The following SLC22A23 variants were observed in gnomAD, a reference collection of about 807,000 sequenced individuals.
SLC22A23 encodes ion transporter protein.
SLC22A23 carries 26 observed loss-of-function variants against 61.0 expected under a neutral mutation model. That is an observed-to-expected ratio of 0.43 (90% CI 0.31 to 0.59). The LOEUF is 0.59. Ranked by LOEUF, SLC22A23 falls within the 20% of genes least tolerant of loss-of-function variation. SLC22A23 has a pLI of 0.11. For synonymous variants in SLC22A23, 430 were observed against 413.9 expected (o/e 1.04, Z -0.47); for missense variants, 796 against 934.7 (o/e 0.85, Z 1.94).
chr6:3,389,367 A>G (rs1019362485), intron 3 of SLC22A23, among the ~76,000 whole-genome samples: 1 of 152,140 alleles, frequency 6.6e-6, no homozygotes, highest in Non-Finnish European at 1.5e-5. Context: ...ACATTATTGA[A>G]ATGTACACTT....
chr6:3,326,978 G>A (rs1461368547), intron 3 of SLC22A23, among the ~76,000 whole-genome samples: 1 of 141,390 alleles, frequency 7.1e-6, no homozygotes, highest in Non-Finnish European at 1.5e-5. Context: ...CAGGAGGGAC[G>A]GGGACTGCAG....
intron 3 of SLC22A23, among the ~76,000 whole-genome samples, chr6:3,336,685 G>GAATCAGACCACAGA (rs57498562): frequency 1.3e-5 from 2 of 152,110 alleles, no homozygotes; most frequent in African/African-American, 4.8e-5. Flanking sequence ...AACACGCCCT[G>GAATCAGACCACAGA]AATCAGACCA....
intron 9 of SLC22A23, chr6:3,283,521 A>T: frequency 2.9e-6 from 1 of 350,062 alleles, no homozygotes; most frequent in Non-Finnish European, 5.6e-6. Flanking sequence ...TTGGCAGCAC[A>T]GGTTCTGGTG....
intron 3 of SLC22A23, among the ~76,000 whole-genome samples, chr6:3,343,507 T>C (rs1581720372): frequency 6.9e-6 from 1 of 144,474 alleles, no homozygotes; most frequent in Non-Finnish European, 1.5e-5. Flanking sequence ...CATTTAGACA[T>C]AATGTCCTCG....
In SLC22A23 at chr6:3,332,111, T is replaced by C. The variant is rs531118994; in HGVS notation, c.914-8109A>G. Among the ~76,000 whole-genome samples, 166 of 152,310 alleles carry C rather than the reference T, an allele frequency of 1.1e-3. 1 individual carries two copies. In the Middle Eastern group the frequency reaches 0.024, roughly 22 times the overall value. ...CTTCAGATTTGAAACCTCCGAGGCA[T>C]GTGGCCAAACAGCCGAGCCCTAAAT... On this transcript the variant is annotated intron_variant, in intron 3 of 9. Coordinates refer to ENST00000406686, the MANE Select transcript of SLC22A23 (RefSeq NM_015482.2).
intron 9 of SLC22A23, among the ~76,000 whole-genome samples, chr6:3,279,509 C>CGAAAAAAAAAAAA (rs1759228993): frequency 2.8e-5 from 1 of 36,016 alleles, no homozygotes; most frequent in Non-Finnish European, 5.7e-5. Flanking sequence ...GGCTCCGTCT[C>CGAAAAAAAAAAAA]AAAAAAAAAA....
At position 3,360,811 on chromosome 6, in the gene SLC22A23, C is replaced by T. The variant is rs1216404390; in HGVS notation, c.914-36809G>A. On this transcript the variant is annotated intron_variant, in intron 3 of 9. Transcript: ENST00000406686. The surrounding 1 kb of genome is among the most constrained non-coding windows in gnomAD (Gnocchi z 4.6). ...TGATGGAGACCTGCGTTCGGCCAGG[C>T]AGGCCCACAGCTGGCGTGGTCATCC... is the stretch of plus-strand genomic sequence containing the variant. Among the ~76,000 whole-genome samples the T allele has an allele frequency of 6.6e-6, 1 of 150,902 alleles. No homozygotes were observed. The highest frequency in any genetic ancestry group is 1.5e-5 in the Non-Finnish European group (1 of 67,996).
Position 3,269,650 on chromosome 6 carries a change from A to G in SLC22A23, c.*3405T>C, listed in dbSNP as rs1203015973. 1 of 57,438 alleles carries G rather than the reference A, an allele frequency of 1.7e-5. No homozygotes were observed. The highest frequency in any genetic ancestry group is 3.8e-5 in the Non-Finnish European group (1 of 26,096). 3.6% of individuals were successfully genotyped at this position (57,438 alleles called of 1,614,324 possible). On this transcript the variant is annotated 3_prime_UTR_variant, in exon 10 of 10. Coordinates refer to ENST00000406686, the MANE Select transcript of SLC22A23 (RefSeq NM_015482.2). The stretch of plus-strand genomic sequence containing the variant: ...ACAGAAACACAGTTTTTATATTACA[A>G]CCTCAAGGACAGGGAGGGAAGTGTT...
chr6:3,282,705 C>T (rs1759584495), intron 9 of SLC22A23, among the ~76,000 whole-genome samples: 1 of 152,234 alleles, frequency 6.6e-6, no homozygotes, highest in Non-Finnish European at 1.5e-5. Flanking sequence ...AATGCTGATA[C>T]TCCTTTAAGA....
chr6:3,305,637 G>T (rs1206091116), intron 4 of SLC22A23, among the ~76,000 whole-genome samples: 1 of 152,146 alleles, frequency 6.6e-6, no homozygotes, highest in Non-Finnish European at 1.5e-5. Flanking sequence ...AAATTAAAAA[G>T]CCAGCCAAGG....
At chr6:3,402,552 C>T (rs1156267870) in intron 3 of SLC22A23, among the ~76,000 whole-genome samples, 1 of 118,706 alleles carries the variant, frequency 8.4e-6, no homozygotes, top group Non-Finnish European at 1.8e-5. Context: ...CTGCAGCCCA[C>T]TCCAATCATC....
At chr6:3,284,341 A>G (rs1759766114) in intron 8 of SLC22A23, among the ~76,000 whole-genome samples, 1 of 152,182 alleles carries the variant, frequency 6.6e-6, no homozygotes, top group South Asian at 2.1e-4. Flanking sequence ...GATGTGCCCA[A>G]CGTGTGGGAC....
chr6:3,273,077 G>T lies in SLC22A23; in HGVS notation c.2039C>A (p.Ala680Asp). The T allele has an allele frequency of 6.3e-7, 1 of 1,575,012 alleles. No individual in the cohort carries two copies. Among genetic ancestry groups the T allele is most frequent in the Non-Finnish European group, 8.6e-7 (1 of 1,161,824 alleles). Residue 680 changes from alanine (A) to aspartate (D), a missense_variant, in exon 10 of 10, where the codon GCC becomes GAC. By Grantham distance (126) the Ala-to-Asp change is moderately radical. Coordinates refer to ENST00000406686, the MANE Select transcript of SLC22A23 (RefSeq NM_015482.2). Reference protein sequence around the residue: ...AGDTLPEGATANGMKAM With the variant: ...AGDTLPEGATDNGMKAM Reference sequence around the variant, plus strand: ...GGGCTACATGGCCTTCATGCCGTTGGCCGTGGCACCCTCGGGCAGTGTGTC... The same window carrying T: ...GGGCTACATGGCCTTCATGCCGTTGTCCGTGGCACCCTCGGGCAGTGTGTC...
chr6:3,284,176 A>G (rs894681577), intron 8 of SLC22A23: 7 of 492,700 alleles, frequency 1.4e-5, no homozygotes, highest in South Asian at 9.9e-5. Context: ...TGGGGCTTCT[A>G]TGAGTCCCTG....
chr6:3,423,788 G>A (rs1488988650), intron 1 of SLC22A23, among the ~76,000 whole-genome samples: 1 of 152,234 alleles, frequency 6.6e-6, no homozygotes, highest in African/African-American at 2.4e-5. Context: ...GTATTTTCTA[G>A]TATAACACAG....
chr6:3,327,014 G>T lies in SLC22A23; in HGVS notation c.914-3012C>A, dbSNP rs975937150. ...GTGGATCGTTTCTGCTGGGAGGGACGGGGACTGCAGGTGGATCGTTTCTGC... is the reference window on the plus strand; with the variant it reads ...GTGGATCGTTTCTGCTGGGAGGGACTGGGACTGCAGGTGGATCGTTTCTGC... On this transcript the variant is annotated intron_variant, in intron 3 of 9. Coordinates refer to ENST00000406686, the MANE Select transcript of SLC22A23 (RefSeq NM_015482.2). This position sits in a 1 kb window ranked among gnomAD's most constrained non-coding sequence, Gnocchi z 4.1. Among the ~76,000 whole-genome samples, 1 of 151,264 alleles carries T rather than the reference G, an allele frequency of 6.6e-6. No individual in the cohort carries two copies. The highest frequency in any genetic ancestry group is 3.4e-3 in the Middle Eastern group (1 of 292).
chr6:3,341,691 CAGAAA>C (rs1221501868), intron 3 of SLC22A23, among the ~76,000 whole-genome samples: 21 of 143,680 alleles, frequency 1.5e-4, no homozygotes, highest in African/African-American at 7.8e-5. Context: ...ACAGAGTTGG[CAGAAA>C]AGAAAAGAAG....
At chr6:3,373,690 A>G (rs149374732) in intron 3 of SLC22A23, among the ~76,000 whole-genome samples, 1,886 of 152,302 alleles carry the variant, frequency 0.012, 49 homozygotes, top group South Asian at 0.11. Context: ...AGGAGGAGGA[A>G]GAAGAGGAGG....
chr6:3,437,917 T>A (rs1217973896), intron 1 of SLC22A23, among the ~76,000 whole-genome samples: 1 of 151,692 alleles, frequency 6.6e-6, no homozygotes, highest in Non-Finnish European at 1.5e-5. Context: ...CCAGCTAATT[T>A]TTTCGTGAAG....
Sources: gnomAD v4.1 joint callset for allele counts (sites outside exome capture counted in the v4.1 genomes callset) on GRCh38, gnomAD v4.1.1 for gene constraint, Gnocchi (gnomAD v3.1) non-coding constraint, MANE v1.5 for transcripts, NCBI Gene and HGNC (gene_info 2026-07-23, HGNC 2026-07-21) for gene names.